Variants in AGBL4 observed in about 807,000 individuals in gnomAD.
The protein encoded by AGBL4 is AGBL carboxypeptidase 4.
In AGBL4, 58 loss-of-function variants were observed where a neutral mutation model predicts 66.4. The ratio of observed to expected loss-of-function variants is 0.87; its 90% CI spans 0.71 to 1.09. The LOEUF (loss-of-function observed/expected upper bound fraction) is 1.09. Ranked by LOEUF, AGBL4 falls within the 50% of genes least tolerant of loss-of-function variation. AGBL4 has a pLI of 0.00. For synonymous variants in AGBL4, 234 were observed against 222.9 expected (o/e 1.05, Z -0.44); for missense variants, 579 against 631.0 (o/e 0.92, Z 0.88).
chr1:48,915,617 G>A (rs1018528299), intron 5 of AGBL4, among the ~76,000 whole-genome samples: 2 of 152,020 alleles, frequency 1.3e-5, no homozygotes, highest in Admixed American at 6.6e-5. Context: ...CTTGGTCAGC[G>A]GAATCAGCAT....
intron 6 of AGBL4, among the ~76,000 whole-genome samples, chr1:48,797,000 AC>A (rs1374844915): frequency 1.3e-5 from 2 of 152,212 alleles, no homozygotes; most frequent in African/African-American, 4.8e-5. Flanking sequence ...TGATATGCAC[AC>A]CCTAAGAAAA....
chr1:49,326,711 G>T (rs1570441433), intron 3 of AGBL4, among the ~76,000 whole-genome samples: 2 of 152,230 alleles, frequency 1.3e-5, no homozygotes, highest in South Asian at 4.1e-4. Context: ...ATGAGGCAGG[G>T]TTCAGTTAGA....
intron 4 of AGBL4, among the ~76,000 whole-genome samples, chr1:49,134,157 T>C (rs1645958500): frequency 6.6e-6 from 1 of 150,914 alleles, no homozygotes; most frequent in African/African-American, 2.4e-5. Context: ...GGGAAGGGAG[T>C]GTACGAATAG....
chr1:49,088,160 A>G (rs1644940569), intron 4 of AGBL4, among the ~76,000 whole-genome samples: 2 of 152,190 alleles, frequency 1.3e-5, no homozygotes, highest in Non-Finnish European at 2.9e-5. Context: ...TTGACACTAT[A>G]AAGCAACCAC....
intron 3 of AGBL4, among the ~76,000 whole-genome samples, chr1:49,521,694 C>G (rs1650275631): frequency 6.6e-6 from 1 of 151,978 alleles, no homozygotes; most frequent in Non-Finnish European, 1.5e-5. Context: ...AGACCCCCAA[C>G]CTATAAAAAT....
chr1:48,883,081 G>A (rs1459461844), intron 5 of AGBL4, among the ~76,000 whole-genome samples: 2 of 152,286 alleles, frequency 1.3e-5, no homozygotes, highest in East Asian at 3.9e-4. Flanking sequence ...AAATATGAAA[G>A]TTCAGATTTT....
chr1:48,757,720 T>A (rs531525982), intron 6 of AGBL4, among the ~76,000 whole-genome samples: 1 of 152,344 alleles, frequency 6.6e-6, no homozygotes, highest in East Asian at 1.9e-4. Flanking sequence ...AGGGTAAGAA[T>A]AAATCAAAGA....
intron 11 of AGBL4, among the ~76,000 whole-genome samples, chr1:48,581,704 A>G (rs543268685): frequency 6.6e-6 from 1 of 152,356 alleles, no homozygotes; most frequent in South Asian, 2.1e-4. Context: ...CAAGGGACCT[A>G]ATATTTAATG....
At chr1:48,780,302 T>G (rs553791897) in intron 6 of AGBL4, among the ~76,000 whole-genome samples, 203 of 149,884 alleles carry the variant, frequency 1.4e-3, no homozygotes, top group African/African-American at 4.7e-3. Flanking sequence ...TGAAAAAACA[T>G]TCCATGCTCA....
chr1:49,801,900 T>C (rs1644870050), intron 2 of AGBL4, among the ~76,000 whole-genome samples: 1 of 152,242 alleles, frequency 6.6e-6, no homozygotes, highest in Non-Finnish European at 1.5e-5. Flanking sequence ...CTTCTGGAGA[T>C]AAAGCTATGT....
chr1:49,638,988 G>C (rs1355754505), intron 3 of AGBL4, among the ~76,000 whole-genome samples: 2 of 152,064 alleles, frequency 1.3e-5, no homozygotes, highest in Non-Finnish European at 1.5e-5. Context: ...TATGACTCTT[G>C]TTAAGGTTTG....
At chr1:48,961,080 G>GGT (rs140660896) in intron 5 of AGBL4, among the ~76,000 whole-genome samples, 8,888 of 148,574 alleles carry the variant, frequency 0.06, 347 homozygotes, top group Admixed American at 0.13. Context: ...CCCAGTCTGG[G>GGT]GTGTGTGTGT....
At chr1:49,422,487 T>C (rs1645567262) in intron 3 of AGBL4, among the ~76,000 whole-genome samples, 1 of 152,240 alleles carries the variant, frequency 6.6e-6, no homozygotes, top group Admixed American at 6.5e-5. Flanking sequence ...TCTTTGATTT[T>C]GAAAATTGGG....
intron 4 of AGBL4, among the ~76,000 whole-genome samples, chr1:49,137,970 G>A (rs1646045272): frequency 6.6e-6 from 1 of 152,080 alleles, no homozygotes; most frequent in Non-Finnish European, 1.5e-5. Context: ...GCTTAAACAA[G>A]GAAGATTTAC....
rs759081391 is a variant in AGBL4 at position 48,736,494 on chromosome 1, G to A, written c.635-73253C>T. The A allele has an allele frequency of 1.3e-6, 2 of 1,560,856 alleles. No individual in the cohort carries two copies. Among genetic ancestry groups the A allele is most frequent in the East Asian group, 4.5e-5 (2 of 44,544 alleles). On this transcript the variant is annotated intron_variant, in intron 6 of 13. Coordinates refer to ENST00000371839, the MANE Select transcript of AGBL4 (RefSeq NM_032785.4). This position sits in a 1 kb window ranked among gnomAD's most constrained non-coding sequence, Gnocchi z 4.0. The stretch of plus-strand genomic sequence containing the variant: ...CACCAGCACCTGTTTAGTCCGACAG[G>A]AGGGCAGTGGGAGGCTTCTCTTGTC...
intron 6 of AGBL4, chr1:48,742,476 G>T: frequency 4.2e-6 from 3 of 718,706 alleles, no homozygotes; most frequent in Non-Finnish European, 6.1e-6. Context: ...GCTACTGATA[G>T]TATACAAATT....
At chr1:49,948,091 T>C (rs12737970) in intron 1 of AGBL4, among the ~76,000 whole-genome samples, 1 of 87,708 alleles carries the variant, frequency 1.1e-5, no homozygotes, top group Non-Finnish European at 1.9e-5. Flanking sequence ...TGTAAATATA[T>C]GTATATGTAT....
At chr1:48,644,792 T>A (rs1326149093) in intron 8 of AGBL4, among the ~76,000 whole-genome samples, 1 of 152,192 alleles carries the variant, frequency 6.6e-6, no homozygotes, top group East Asian at 1.9e-4. Context: ...GCTTTCGTTC[T>A]TTCTGAGGGT....
intron 6 of AGBL4, among the ~76,000 whole-genome samples, chr1:48,839,150 A>G (rs1389022155): frequency 6.6e-6 from 1 of 152,148 alleles, no homozygotes; most frequent in African/African-American, 2.4e-5. Context: ...TAGAAATAAC[A>G]TACGATCCAG....
Sources: gnomAD v4.1 joint callset for allele counts (sites outside exome capture counted in the v4.1 genomes callset) on GRCh38, gnomAD v4.1.1 for gene constraint, Gnocchi (gnomAD v3.1) non-coding constraint, MANE v1.5 for transcripts, NCBI Gene and HGNC (gene_info 2026-07-23, HGNC 2026-07-21) for gene names.